The following NF1 variants were observed in gnomAD, a reference collection of about 807,000 sequenced individuals.
NF1 encodes the protein neurofibromin.
NF1 carries 122 observed loss-of-function variants against 325.7 expected under a neutral mutation model. The ratio of observed to expected loss-of-function variants is 0.37; its 90% confidence interval spans 0.32 to 0.44. The LOEUF is 0.44. Among genes scored for constraint, NF1 ranks in the 20% least tolerant of loss-of-function variants. The probability of loss-of-function intolerance (pLI) is 1.00; values close to 1 mark genes in which losing one functional copy is unlikely to be tolerated. For synonymous variants in NF1, 1,091 were observed against 1,186.0 expected, an observed-to-expected ratio of 0.92 and a Z score of 1.65; for missense variants, 2,140 against 3,415.4, an observed-to-expected ratio of 0.63 and a Z score of 9.31.
intron 36 of NF1, chr17:31,314,551 A>G (rs1245227640): frequency 6.6e-6 from 1 of 152,264 alleles, no homozygotes; most frequent in African/African-American, 2.4e-5. Context: ...AACTGCAGGT[A>G]ACCAATAAAT....
chr17:31,241,273 T>A (rs148259897), intron 29 of NF1, among the ~76,000 whole-genome samples: 73 of 152,220 alleles, frequency 4.8e-4, no homozygotes, highest in Non-Finnish European at 9.3e-4. Flanking sequence ...GGGTCATGGG[T>A]TATTTTTGTT....
In NF1 at chr17:31,327,663, C is replaced by T. The variant is rs527421286; in HGVS notation, c.5433C>T (p.Thr1811=). 6.2e-7 allele frequency: 1 copy of T among 1,614,156 alleles called. No individual in the cohort carries two copies. The highest frequency in any genetic ancestry group is 1.3e-5 in the African/African-American group (1 of 75,036). The change falls in exon 38 of 58, where the codon ACC becomes ACT. Residue 1811 remains threonine (T), a synonymous_variant. Transcript: ENST00000358273. ...TTGCAAACCAGGGCACGCCGCTCAC[C>T]TTCATGCACCAGGAGTGTGAAGCCA... The part of the protein sequence containing the change: ...LTIANQGTPL[T]FMHQECEAIV...
chr17:31,358,507 C>T lies in NF1; in HGVS notation c.7998C>T (p.Asn2666=), dbSNP rs747307832. The T allele has an allele frequency of 5.4e-5, 87 of 1,613,816 alleles. No homozygotes were observed. The African/African-American group carries it at 5.6e-4, about 10-fold the overall frequency. The part of the protein sequence containing the change: ...VVHNLLDSKI[N]TLLSLCQDPN... Reference sequence around the variant, plus strand: ...ATAATTTGTTGGACTCTAAGATCAACACCCTGTTATCATTGTGCCAAGATC... The same window carrying T: ...ATAATTTGTTGGACTCTAAGATCAATACCCTGTTATCATTGTGCCAAGATC... The change falls in exon 55 of 58, where the codon AAC becomes AAT. Residue 2666 remains asparagine, a synonymous_variant. Transcript: ENST00000358273.
Position 31,317,198 on chromosome 17 carries a change from G to T in NF1, c.4836-8622G>T, listed in dbSNP as rs77652736. Among the ~76,000 whole-genome samples the T allele has an allele frequency of 7.0e-3, 1,069 of 152,164 alleles. 11 individuals carry two copies. Among genetic ancestry groups the T allele is most frequent in the Middle Eastern group, 0.024 (7 of 294 alleles). On this transcript the variant is annotated intron_variant, in intron 36 of 57. Coordinates refer to ENST00000358273, the MANE Select transcript of NF1 (RefSeq NM_001042492.3). ...ATTTTTGAAATGTGGCCTGATCTTA[G>T]CCCTGTGTTAATTTCAGTAGATATT...
At chr17:31,332,959 A>G (rs1442658170) in intron 39 of NF1, among the ~76,000 whole-genome samples, 1 of 152,058 alleles carries the variant, frequency 6.6e-6, no homozygotes, top group Non-Finnish European at 1.5e-5. Flanking sequence ...AAAAAGAAAA[A>G]AGCCAGGCAC....
At chr17:31,285,600 C>T (rs1450401763) in intron 36 of NF1, among the ~76,000 whole-genome samples, 1 of 152,140 alleles carries the variant, frequency 6.6e-6, no homozygotes, top group Non-Finnish European at 1.5e-5. Flanking sequence ...GTAGTCCCAG[C>T]ACTTTGGGAG....
At chr17:31,183,072 C>A (rs1298593646) in intron 8 of NF1, 29 of 412,224 alleles carry the variant, frequency 7.0e-5, no homozygotes, top group Admixed American at 2.8e-4. Context: ...TCTAGTAACT[C>A]ATTTTAAGTA....
At chr17:31,372,590 AGTC>A (rs2070664529) in intron 57 of NF1, among the ~76,000 whole-genome samples, 1 of 152,206 alleles carries the variant, frequency 6.6e-6, no homozygotes, top group Non-Finnish European at 1.5e-5. Context: ...TGCCCCCTTA[AGTC>A]ACTACTTCCG....
intron 29 of NF1, among the ~76,000 whole-genome samples, chr17:31,240,461 T>C (rs570924974): frequency 1.3e-5 from 2 of 152,350 alleles, no homozygotes; most frequent in East Asian, 3.9e-4. Context: ...GTACCACAGT[T>C]TCTTTATCCA....
intron 36 of NF1, among the ~76,000 whole-genome samples, chr17:31,290,809 C>T (rs1264967677): frequency 6.6e-6 from 1 of 152,126 alleles, no homozygotes; most frequent in Non-Finnish European, 1.5e-5. Context: ...AGTTCAAGAC[C>T]AGCCTGGCCA....
Position 31,335,014 on chromosome 17 carries a change from T to C in NF1, c.5989T>C (p.Trp1997Arg), listed in dbSNP as rs1597840306. 1.2e-6 allele frequency: 2 copies of C among 1,612,672 alleles called. No individual in the cohort carries two copies. Among genetic ancestry groups the C allele is most frequent in the Non-Finnish European group, 1.7e-6 (2 of 1,179,746 alleles). The change falls in exon 40 of 58, where the codon TGG becomes CGG. Residue 1997 changes from tryptophan (W) to arginine (R), a missense_variant. Trp to Arg is a moderately radical substitution (Grantham distance 101). Transcript: ENST00000358273. ...QMYPSIQAKI[W>R]GSLGQITDLL... ...GTACCCATCTATTCAAGCAAAAATA[T>C]GGGGAAGCCTTGGGCAGGTATTGAG...
chr17:31,184,187 G>A (rs1393461324), intron 8 of NF1, among the ~76,000 whole-genome samples: 3 of 152,158 alleles, frequency 2.0e-5, no homozygotes, highest in Non-Finnish European at 2.9e-5. Flanking sequence ...GCTGTGAACT[G>A]TTTAGAGAGT....
chr17:31,270,963 A>G (rs1321889289), intron 36 of NF1, among the ~76,000 whole-genome samples: 4 of 152,206 alleles, frequency 2.6e-5, no homozygotes, highest in Non-Finnish European at 5.9e-5. Context: ...TATATTTAAC[A>G]GGCACTCCAA....
At position 31,327,743 on chromosome 17, in the gene NF1, C is replaced by G. The variant is rs368654378; in HGVS notation, c.5513C>G (p.Ser1838Cys). The change falls in exon 38 of 58, where the codon TCT (serine) becomes TGT (cysteine). Residue 1838 changes from serine to cysteine, a missense_variant. This residue lies in a region of NF1 where 147 missense variants were observed against 186.7 expected (regional missense o/e 0.79). Coordinates refer to ENST00000358273, the MANE Select transcript of NF1 (RefSeq NM_001042492.3). ...CGCTGGGAACTGTCACAGCCCGACT[C>G]TATCCCCCAACACACCAAGATTCGG... ...RTRWELSQPD[S>C]IPQHTKIRPK... The G allele has an allele frequency of 1.1e-4, 185 of 1,614,026 alleles. No individual in the cohort carries two copies. Among genetic ancestry groups the G allele is most frequent in the Non-Finnish European group, 1.5e-4 (176 of 1,180,008 alleles).
At chr17:31,220,020 G>T (rs1466778590) in intron 14 of NF1, among the ~76,000 whole-genome samples, 2 of 152,118 alleles carry the variant, frequency 1.3e-5, no homozygotes, top group African/African-American at 4.8e-5. Context: ...ATGAACATTT[G>T]TGTAAAAGTC....
chr17:31,125,758 A>G (rs1356703383), intron 1 of NF1, among the ~76,000 whole-genome samples: 1 of 151,810 alleles, frequency 6.6e-6, no homozygotes, highest in Admixed American at 6.6e-5. Context: ...CTGGTCTCGA[A>G]CTCCTGACCT....
rs1174202288 is a variant in NF1, at chr17:31,225,180, C to G, written c.1931C>G (p.Ser644Cys). The part of the protein sequence containing the change: ...IPSSGNTSQM[S>C]MDHEELLRTP... ...TCTAGTGGAAATACCAGTCAAATGT[C>G]CATGGATCATGAAGAATTACTACGT... is the stretch of plus-strand genomic sequence containing the variant. Residue 644 changes from serine to cysteine, a missense_variant, in exon 17 of 58, where the codon TCC becomes TGC. Physicochemically the swap from Ser to Cys is moderately radical, Grantham distance 112 (BLOSUM62 -1). Around this residue, in one of 10 missense-constraint regions of NF1, gnomAD observed 45 missense variants for 42.5 expected, o/e 1.06. Coordinates refer to ENST00000358273, the MANE Select transcript of NF1 (RefSeq NM_001042492.3). 6.2e-7 allele frequency: 1 copy of G among 1,613,712 alleles called. No individual in the cohort carries two copies. Among genetic ancestry groups the G allele is most frequent in the Admixed American group, 1.7e-5 (1 of 60,010 alleles).
chr17:31,292,835 A>G (rs1363028009), intron 36 of NF1, among the ~76,000 whole-genome samples: 1 of 152,172 alleles, frequency 6.6e-6, no homozygotes, highest in African/African-American at 2.4e-5. Flanking sequence ...ATTCTAAGAC[A>G]GCATTGAGTT....
rs370790425 is a variant in NF1, at chr17:31,139,548, A to T, written c.61-16435A>T. On this transcript the variant is annotated intron_variant, in intron 1 of 57. Transcript: ENST00000358273. ...TCAAGCTGGAAAAAAATGCAGATCT[A>T]CTCTTAAATGTGAGATAATTGGAAG... Among the ~76,000 whole-genome samples, 57 of 152,226 alleles carry T rather than the reference A, an allele frequency of 3.7e-4. 1 individual carries two copies. The South Asian group carries it at 9.1e-3, about 24-fold the overall frequency.
Sources: allele counts gnomAD v4.1 joint callset (sites outside exome capture counted in the v4.1 genomes callset), GRCh38; gene constraint gnomAD v4.1.1; regional missense constraint gnomAD v4.1.1; transcripts MANE v1.5; gene names NCBI Gene and HGNC (gene_info 2026-07-23, HGNC 2026-07-21).